LRRC4C: variants seen among roughly 807,000 people sequenced by gnomAD.
LRRC4C encodes leucine-rich repeat-containing protein 4C.
LRRC4C carries 5 observed loss-of-function variants against 33.6 expected under a neutral mutation model. The ratio of observed to expected loss-of-function variants is 0.15; its 90% CI spans 0.08 to 0.31. The LOEUF (loss-of-function observed/expected upper bound fraction) is 0.31, where lower values mean the gene tolerates loss of function less well. Among genes scored for constraint, LRRC4C ranks in the 10% least tolerant of loss-of-function variants. The probability of loss-of-function intolerance (pLI) is 1.00; values close to 1 mark genes in which losing one functional copy is unlikely to be tolerated. For missense variants in LRRC4C, 560 were observed against 796.7 expected (o/e 0.70, Z 3.58); for synonymous variants, 329 against 302.0 (o/e 1.09, Z -0.93).
chr11:41,118,539 A>T (rs1942257995), intron 1 of LRRC4C, among the ~76,000 whole-genome samples: 1 of 152,160 alleles, frequency 6.6e-6, no homozygotes, highest in South Asian at 2.1e-4. Context: ...AGTCACATTT[A>T]ATGTATCTCT....
chr11:40,415,848 A>G (rs963957785), intron 3 of LRRC4C, among the ~76,000 whole-genome samples: 9 of 152,194 alleles, frequency 5.9e-5, no homozygotes, highest in African/African-American at 2.2e-4. Flanking sequence ...AAAGGAAATA[A>G]AAGCACTGAA....
intron 2 of LRRC4C, among the ~76,000 whole-genome samples, chr11:40,724,652 A>G (rs1473334323): frequency 6.6e-6 from 1 of 152,172 alleles, no homozygotes; most frequent in Non-Finnish European, 1.5e-5. Flanking sequence ...CTACATCAAT[A>G]CCATAGAAAG....
At chr11:41,251,642 G>A (rs758638586) in intron 1 of LRRC4C, among the ~76,000 whole-genome samples, 9 of 152,108 alleles carry the variant, frequency 5.9e-5, no homozygotes, top group African/African-American at 9.7e-5. Flanking sequence ...GAAACAGCCC[G>A]GACTAATTTG....
intron 1 of LRRC4C, among the ~76,000 whole-genome samples, chr11:40,976,752 G>A (rs61887571): frequency 6.6e-6 from 1 of 152,054 alleles, no homozygotes; most frequent in Non-Finnish European, 1.5e-5. Context: ...ATGATTGAAT[G>A]ACTGTAAGAG....
At chr11:40,737,228 TAA>T (rs1346807041) in intron 2 of LRRC4C, among the ~76,000 whole-genome samples, 1 of 152,102 alleles carries the variant, frequency 6.6e-6, no homozygotes, top group African/African-American at 2.4e-5. Context: ...CTCAATATAA[TAA>T]GAGCTATTTA....
intron 2 of LRRC4C, among the ~76,000 whole-genome samples, chr11:40,905,812 C>T (rs1956389366): frequency 6.6e-6 from 1 of 152,190 alleles, no homozygotes; most frequent in Non-Finnish European, 1.5e-5. Flanking sequence ...GGCAAAGATG[C>T]TGTGCCTATT....
intron 2 of LRRC4C, among the ~76,000 whole-genome samples, chr11:40,783,019 C>A (rs1054654458): frequency 1.3e-5 from 2 of 152,118 alleles, no homozygotes; most frequent in Admixed American, 6.6e-5. Context: ...ATAAATACAA[C>A]AATTTTGTTA....
chr11:40,313,845 C>T (rs1291398224), intron 4 of LRRC4C, among the ~76,000 whole-genome samples: 1 of 151,828 alleles, frequency 6.6e-6, no homozygotes, highest in African/African-American at 2.4e-5. Flanking sequence ...GATCTCTTGA[C>T]CTCGTGATCC....
At chr11:40,796,403 A>T (rs1950826499) in intron 2 of LRRC4C, among the ~76,000 whole-genome samples, 1 of 152,156 alleles carries the variant, frequency 6.6e-6, no homozygotes, top group African/African-American at 2.4e-5. Flanking sequence ...GTAACAAATG[A>T]GCCTAGGACA....
intron 1 of LRRC4C, among the ~76,000 whole-genome samples, chr11:41,365,136 C>T (rs1264621210): frequency 6.6e-6 from 1 of 152,082 alleles, no homozygotes; most frequent in Non-Finnish European, 1.5e-5. Context: ...TTACAGCCAT[C>T]CCCATTGCTA....
intron 4 of LRRC4C, among the ~76,000 whole-genome samples, chr11:40,260,281 A>C (rs1035833222): frequency 7.1e-6 from 1 of 140,008 alleles, no homozygotes; most frequent in Admixed American, 7.4e-5. Context: ...GGAAATCATC[A>C]TTCTCAGTAA....
intron 1 of LRRC4C, among the ~76,000 whole-genome samples, chr11:41,148,021 T>A (rs1943807779): frequency 6.6e-6 from 1 of 152,026 alleles, no homozygotes; most frequent in Admixed American, 6.6e-5. Flanking sequence ...ATGAGAATAT[T>A]TTTTTTCTTT....
rs201861867 is a variant in LRRC4C, at chr11:41,193,704, A to G, written c.-495-259981T>C. The stretch of plus-strand genomic sequence containing the variant: ...ATCTTAATGGAGATGAGTGCTTCTA[A>G]ACCAGTGCCAGACGAGGTAGAAATA... On this transcript the variant is annotated intron_variant, in intron 1 of 6. Transcript: ENST00000528697. Among the ~76,000 whole-genome samples the G allele has an allele frequency of 6.6e-5, 10 of 152,212 alleles. No individual in the cohort carries two copies. In the East Asian group the frequency reaches 1.4e-3, roughly 21 times the overall value.
chr11:40,585,971 C>G (rs917224240), intron 3 of LRRC4C, among the ~76,000 whole-genome samples: 3 of 136,802 alleles, frequency 2.2e-5, no homozygotes, highest in African/African-American at 8.3e-5. Flanking sequence ...GATTTATAGT[C>G]CTTTGGGTAT....
At chr11:40,808,199 A>G (rs1430640128) in intron 2 of LRRC4C, among the ~76,000 whole-genome samples, 1 of 151,156 alleles carries the variant, frequency 6.6e-6, no homozygotes, top group Non-Finnish European at 1.5e-5. Context: ...GATATTTTAT[A>G]TTATCATAAT....
intron 2 of LRRC4C, among the ~76,000 whole-genome samples, chr11:40,741,301 C>G (rs544808521): frequency 6.6e-6 from 1 of 152,020 alleles, no homozygotes; most frequent in Non-Finnish European, 1.5e-5. Flanking sequence ...GCCACTCCAA[C>G]TGAATAAATA....
Position 41,101,304 on chromosome 11 carries a change from T to C in LRRC4C, c.-495-167581A>G, listed in dbSNP as rs141790685. Among the ~76,000 whole-genome samples the C allele has an allele frequency of 3.0e-4, 45 of 151,872 alleles. No individual in the cohort carries two copies. In the East Asian group the frequency reaches 8.5e-3, roughly 29 times the overall value. ...CCAGCATCTATAAGGAAGTTAAATT[T>C]ACAAGAAAAAAAACCATTTAAAAGT... is the stretch of plus-strand genomic sequence containing the variant. On this transcript the variant is annotated intron_variant, in intron 1 of 6. Transcript: ENST00000528697.
intron 2 of LRRC4C, among the ~76,000 whole-genome samples, chr11:40,760,413 A>C (rs1949151316): frequency 3.3e-5 from 1 of 30,046 alleles, no homozygotes; most frequent in South Asian, 8.3e-4. Flanking sequence ...GTCCTTTACC[A>C]AAAAAAAAAA....
intron 2 of LRRC4C, among the ~76,000 whole-genome samples, chr11:40,806,447 C>T (rs1366678142): frequency 5.3e-5 from 8 of 152,156 alleles, no homozygotes. Context: ...GGGCAAACGC[C>T]CCAAGAGGGA....
Sources: allele counts gnomAD v4.1 joint callset (sites outside exome capture counted in the v4.1 genomes callset), GRCh38; gene constraint gnomAD v4.1.1; transcripts MANE v1.5; gene names NCBI Gene and HGNC (gene_info 2026-07-23, HGNC 2026-07-21).